Variants in ERBB4 observed in about 807,000 individuals in gnomAD.
ERBB4 encodes the protein erb-b2 receptor tyrosine kinase 4.
Under a neutral mutation model 158.0 loss-of-function variants are expected in ERBB4, and 42 were observed. The ratio of observed to expected loss-of-function variants is 0.27; its 90% CI spans 0.21 to 0.34. ERBB4 has a LOEUF of 0.34. Ranked by LOEUF, ERBB4 falls within the 10% of genes least tolerant of loss-of-function variation. ERBB4 has a pLI of 1.00. For missense variants in ERBB4, 1,333 were observed against 1,624.1 expected (o/e 0.82, Z 3.08); for synonymous variants, 583 against 558.7 (o/e 1.04, Z -0.61).
chr2:211,493,018 T>C (rs1433821123), intron 20 of ERBB4, among the ~76,000 whole-genome samples: 1 of 152,144 alleles, frequency 6.6e-6, no homozygotes, highest in Non-Finnish European at 1.5e-5. Flanking sequence ...AGGTTTTATA[T>C]GTCATTAATG....
chr2:212,177,931 AGAGTGTTTGT>A (rs1156622093), intron 1 of ERBB4, among the ~76,000 whole-genome samples: 3 of 145,772 alleles, frequency 2.1e-5, no homozygotes, highest in Admixed American at 6.9e-5. Context: ...AAAAAGGCAA[AGAGTGTTTGT>A]GAGTGTTTGT....
chr2:211,583,436 T>C (rs2068162739), intron 19 of ERBB4, among the ~76,000 whole-genome samples: 1 of 151,896 alleles, frequency 6.6e-6, no homozygotes, highest in Non-Finnish European at 1.5e-5. Context: ...AATAAAATGA[T>C]TAATAGTTAT....
intron 2 of ERBB4, among the ~76,000 whole-genome samples, chr2:211,984,396 G>A (rs1244330109): frequency 6.6e-6 from 1 of 152,038 alleles, no homozygotes; most frequent in East Asian, 1.9e-4. Context: ...CTTTATAATA[G>A]CATATTATGC....
intron 13 of ERBB4, among the ~76,000 whole-genome samples, chr2:211,677,061 T>A (rs2072103948): frequency 6.6e-6 from 1 of 152,222 alleles, no homozygotes; most frequent in Non-Finnish European, 1.5e-5. Flanking sequence ...ATGCTTCTAA[T>A]ATTAATATTT....
intron 9 of ERBB4, among the ~76,000 whole-genome samples, chr2:211,707,180 G>A (rs2073479400): frequency 6.6e-6 from 1 of 152,094 alleles, no homozygotes; most frequent in Admixed American, 6.6e-5. Flanking sequence ...ATGTTGCCAG[G>A]AATGAAATGA....
At chr2:211,610,177 A>T (rs2069141346) in intron 19 of ERBB4, among the ~76,000 whole-genome samples, 1 of 151,954 alleles carries the variant, frequency 6.6e-6, no homozygotes, top group African/African-American at 2.4e-5. Context: ...ATGTCTTTTT[A>T]TTAGATTTTT....
rs73079342 is a variant in ERBB4 at position 211,956,336 on chromosome 2, T to A, written c.235-8720A>T. 9.6e-3 allele frequency among the ~76,000 whole-genome samples: 1,467 copies of A among 152,246 alleles called. 23 individuals carry two copies. The highest frequency in any genetic ancestry group is 0.034 in the African/African-American group (1,394 of 41,558). ...ATAGAGCTGAAGTAAAAAGAAATTA[T>A]TAGTTTTCGGCACTTTCGTACAACT... On this transcript the variant is annotated intron_variant, in intron 2 of 27. Coordinates refer to ENST00000342788, the MANE Select transcript of ERBB4 (RefSeq NM_005235.3).
chr2:211,700,603 A>G (rs1212005060), intron 12 of ERBB4, among the ~76,000 whole-genome samples: 1 of 152,214 alleles, frequency 6.6e-6, no homozygotes, highest in Non-Finnish European at 1.5e-5. Context: ...TTCTGGAACA[A>G]GATGGGGTCT....
chr2:212,389,434 A>AACTAC (rs969684425), intron 1 of ERBB4, among the ~76,000 whole-genome samples: 6 of 152,144 alleles, frequency 3.9e-5, no homozygotes, highest in Non-Finnish European at 7.4e-5. Flanking sequence ...TCAAAAGCAA[A>AACTAC]ACTACATCTA....
intron 1 of ERBB4, among the ~76,000 whole-genome samples, chr2:212,214,489 T>G (rs911732475): frequency 6.6e-6 from 1 of 151,840 alleles, no homozygotes; most frequent in African/African-American, 2.4e-5. Context: ...AATTTATATT[T>G]CCAAGGTCCA....
rs1313040502 is a variant in ERBB4 at position 211,378,456 on chromosome 2, A to G, written c.*5159T>C. The G allele has an allele frequency of 2.1e-5, 5 of 232,684 alleles. No homozygotes were observed. The highest frequency in any genetic ancestry group is 4.3e-5 in the Non-Finnish European group (5 of 117,422). 14.4% of individuals were successfully genotyped at this position (232,684 alleles called of 1,614,324 possible). On this transcript the variant is annotated 3_prime_UTR_variant, in exon 28 of 28. Transcript: ENST00000342788. ...GTATCTGAAATTTCTATTATTTTAG[A>G]GAGACTTTTAATGAAAAGAAAAAAG...
At chr2:212,024,559 GTC>G (rs2076730735) in intron 2 of ERBB4, among the ~76,000 whole-genome samples, 1 of 151,830 alleles carries the variant, frequency 6.6e-6, no homozygotes, top group Non-Finnish European at 1.5e-5. Context: ...ATTCTTGTAA[GTC>G]ATTTTGACAT....
chr2:212,071,132 A>G (rs1422506117), intron 2 of ERBB4, among the ~76,000 whole-genome samples: 1 of 151,944 alleles, frequency 6.6e-6, no homozygotes, highest in South Asian at 2.1e-4. Context: ...TACTCACTAG[A>G]TATACTTTCT....
At chr2:212,079,630 A>G (rs946047610) in intron 2 of ERBB4, among the ~76,000 whole-genome samples, 3 of 152,126 alleles carry the variant, frequency 2.0e-5, no homozygotes, top group African/African-American at 7.2e-5. Flanking sequence ...AGATGGTACT[A>G]TTAATCACAA....
intron 1 of ERBB4, among the ~76,000 whole-genome samples, chr2:212,451,633 A>G (rs2092447344): frequency 6.6e-6 from 1 of 152,214 alleles, no homozygotes; most frequent in Admixed American, 6.5e-5. Context: ...GTGTTTTTTA[A>G]TAACCTAACA....
At chr2:212,378,281 T>C (rs1380265044) in intron 1 of ERBB4, among the ~76,000 whole-genome samples, 1 of 151,884 alleles carries the variant, frequency 6.6e-6, no homozygotes, top group Non-Finnish European at 1.5e-5. Context: ...CTGTTCTATA[T>C]GCCATCTGCA....
intron 3 of ERBB4, among the ~76,000 whole-genome samples, chr2:211,918,011 T>C (rs1259618848): frequency 6.6e-6 from 1 of 152,122 alleles, no homozygotes; most frequent in Non-Finnish European, 1.5e-5. Flanking sequence ...ACATGAAATA[T>C]GATTTTTAAG....
chr2:211,383,474 C>T lies in ERBB4; in HGVS notation c.*141G>A, dbSNP rs962446656. 2 of 696,926 alleles carry T rather than the reference C, an allele frequency of 2.9e-6. No homozygotes were observed. The highest frequency in any genetic ancestry group is 1.8e-5 in the African/African-American group (1 of 56,514). 43.2% of individuals were successfully genotyped at this position (696,926 alleles called of 1,614,324 possible). A position where few individuals can be genotyped will look rare whatever the true frequency, so the allele number is the denominator to read the frequency against. ...ATGTTCAAGTTAGGTAAGCACATAACTATCATTGCATCTCTGTATCTTCCA... is the reference window on the plus strand; with the variant it reads ...ATGTTCAAGTTAGGTAAGCACATAATTATCATTGCATCTCTGTATCTTCCA... On this transcript the variant is annotated 3_prime_UTR_variant, in exon 28 of 28. Coordinates refer to ENST00000342788, the MANE Select transcript of ERBB4 (RefSeq NM_005235.3).
chr2:212,047,631 C>T (rs957337784), intron 2 of ERBB4, among the ~76,000 whole-genome samples: 1 of 148,258 alleles, frequency 6.7e-6, no homozygotes, highest in Non-Finnish European at 1.5e-5. Context: ...CACCACCACA[C>T]TTGGCTAATT....
Sources: allele counts gnomAD v4.1 joint callset (sites outside exome capture counted in the v4.1 genomes callset), GRCh38; gene constraint gnomAD v4.1.1; transcripts MANE v1.5; gene names NCBI Gene and HGNC (gene_info 2026-07-23, HGNC 2026-07-21).